INPP5D: variants seen among roughly 807,000 people sequenced by gnomAD.
INPP5D encodes phosphatidylinositol 3,4,5-trisphosphate 5-phosphatase 1.
A neutral mutation model predicts 122.9 loss-of-function variants in INPP5D; 33 were observed. The ratio of observed to expected loss-of-function variants is 0.27; its 90% CI spans 0.20 to 0.36. The LOEUF (loss-of-function observed/expected upper bound fraction) is 0.36. Ranked by LOEUF, INPP5D falls within the 10% of genes least tolerant of loss-of-function variation. The pLI, the probability that INPP5D is intolerant of heterozygous loss-of-function variation, is 1.00. For synonymous variants in INPP5D, 584 were observed against 576.2 expected (o/e 1.01, Z -0.19); for missense variants, 1,053 against 1,412.7 (o/e 0.75, Z 4.08).
chr2:233,068,739 A>G lies in INPP5D; in HGVS notation c.134+8127A>G, dbSNP rs548596862. ...ATGGGGGCAGAGGATTGCTTAGGAAACTTCCTGGAGGCCTCTGGGGGATGC... is the reference window on the plus strand; with the variant it reads ...ATGGGGGCAGAGGATTGCTTAGGAAGCTTCCTGGAGGCCTCTGGGGGATGC... On this transcript the variant is annotated intron_variant, in intron 1 of 26. Transcript: ENST00000445964. 2.0e-5 allele frequency among the ~76,000 whole-genome samples: 3 copies of G among 152,304 alleles called. No homozygotes were observed. The East Asian group carries it at 5.8e-4, about 29-fold the overall frequency.
chr2:233,167,434 CAG>C (rs1208337235), intron 13 of INPP5D, among the ~76,000 whole-genome samples: 1 of 152,088 alleles, frequency 6.6e-6, no homozygotes, highest in Non-Finnish European at 1.5e-5. Flanking sequence ...GATGAAGAAA[CAG>C]AGTCTATGGA....
intron 5 of INPP5D, among the ~76,000 whole-genome samples, chr2:233,134,987 A>G (rs56307293): frequency 0.47 from 71,658 of 151,842 alleles, 17,362 homozygotes; most frequent in African/African-American, 0.55. Flanking sequence ...AATGTGTGGT[A>G]AAAATGGACA....
intron 14 of INPP5D, chr2:233,169,773 T>C (rs547603310): frequency 4.8e-6 from 3 of 630,082 alleles, no homozygotes; most frequent in Non-Finnish European, 8.1e-6. Flanking sequence ...TCTGATTCTC[T>C]GCTGAGCAGA....
At chr2:233,133,422 C>G (rs745890962) in intron 5 of INPP5D, among the ~76,000 whole-genome samples, 1 of 152,028 alleles carries the variant, frequency 6.6e-6, no homozygotes, top group Non-Finnish European at 1.5e-5. Context: ...ATGAAGACAG[C>G]CTGCTCAAGG....
intron 2 of INPP5D, among the ~76,000 whole-genome samples, chr2:233,081,072 C>G (rs1465555731): frequency 6.6e-6 from 1 of 152,230 alleles, no homozygotes; most frequent in African/African-American, 2.4e-5. Context: ...TTCCACTGGC[C>G]TAGGGCGCCC....
Position 233,127,353 on chromosome 2 carries a change from C to G in INPP5D, c.524+1434C>G, listed in dbSNP as rs184611809. 1.1e-3 allele frequency among the ~76,000 whole-genome samples: 170 copies of G among 152,334 alleles called. 1 individual carries two copies. The highest frequency in any genetic ancestry group is 3.8e-3 in the African/African-American group (160 of 41,582). ...AAGGAAAGCGGCGACACAGAGCCGC[C>G]CTCCATTCTCAGGGTCAAGGAAAAC... On this transcript the variant is annotated intron_variant, in intron 4 of 26. Coordinates refer to ENST00000445964, the MANE Select transcript of INPP5D (RefSeq NM_001017915.3).
In INPP5D at chr2:233,078,916, T is replaced by C. The variant is rs989959201; in HGVS notation, c.135-419T>C. Among the ~76,000 whole-genome samples the C allele has an allele frequency of 1.3e-5, 2 of 152,024 alleles. No homozygotes were observed. Among genetic ancestry groups the C allele is most frequent in the African/African-American group, 4.8e-5 (2 of 41,404 alleles). ...CAGGATGGTCTCAATCTCTTGACCT[T>C]GTGATCCACCCATCTCAGCCTCCCA... On this transcript the variant is annotated intron_variant, in intron 1 of 26. Coordinates refer to ENST00000445964, the MANE Select transcript of INPP5D (RefSeq NM_001017915.3). This position sits in a 1 kb window ranked among gnomAD's most constrained non-coding sequence, Gnocchi z 4.6.
Position 233,129,758 on chromosome 2 carries a change from A to C in INPP5D, c.525-750A>C, listed in dbSNP as rs367633457. Reference sequence around the variant, plus strand: ...CTTTGGCCGTGAAATTGCAAAGTGCATGGGAGCTAAAGCCATTTGTTATCT... The same window carrying C: ...CTTTGGCCGTGAAATTGCAAAGTGCCTGGGAGCTAAAGCCATTTGTTATCT... On this transcript the variant is annotated intron_variant, in intron 4 of 26. Transcript: ENST00000445964. Among the ~76,000 whole-genome samples the C allele has an allele frequency of 5.9e-5, 9 of 152,350 alleles. No individual in the cohort carries two copies. In the East Asian group the frequency reaches 1.3e-3, roughly 23 times the overall value.
chr2:233,098,243 A>T (rs996842693), intron 2 of INPP5D, among the ~76,000 whole-genome samples: 49 of 152,176 alleles, frequency 3.2e-4, no homozygotes, highest in African/African-American at 1.1e-3. Context: ...CAGGAGGAGG[A>T]TGCAAGTCAA....
At chr2:233,107,182 G>A (rs558535459) in intron 2 of INPP5D, among the ~76,000 whole-genome samples, 28 of 152,182 alleles carry the variant, frequency 1.8e-4, no homozygotes, top group Non-Finnish European at 4.0e-4. Flanking sequence ...CAGAGGGTGC[G>A]GTAGGCAGGG....
chr2:233,089,683 A>G (rs990306434), intron 2 of INPP5D, among the ~76,000 whole-genome samples: 1 of 152,248 alleles, frequency 6.6e-6, no homozygotes, highest in Non-Finnish European at 1.5e-5. Flanking sequence ...CTTGAGGGTC[A>G]GAATGACAGC....
chr2:233,102,995 T>G (rs983982924), intron 2 of INPP5D, among the ~76,000 whole-genome samples: 19 of 152,236 alleles, frequency 1.2e-4, no homozygotes, highest in Non-Finnish European at 2.2e-4. Flanking sequence ...GGGTGTCTTT[T>G]TATTTGAATA....
intron 13 of INPP5D, among the ~76,000 whole-genome samples, chr2:233,165,525 C>A (rs1694309651): frequency 7.3e-6 from 1 of 136,266 alleles, no homozygotes; most frequent in Non-Finnish European, 1.6e-5. Flanking sequence ...TGTGTGTGTA[C>A]CACTCCATAT....
chr2:233,098,936 T>TTTTATTTCTTTATTTA (rs1692225445), intron 2 of INPP5D, among the ~76,000 whole-genome samples: 1 of 145,986 alleles, frequency 6.8e-6, no homozygotes, highest in Non-Finnish European at 1.5e-5. Context: ...GGAACTTTAT[T>TTTTATTTCTTTATTTA]TTTATTTATT....
chr2:233,161,155 G>A lies in INPP5D; in HGVS notation c.1138-569G>A, dbSNP rs1385876303. On this transcript the variant is annotated intron_variant, in intron 10 of 26. Coordinates refer to ENST00000445964, the MANE Select transcript of INPP5D (RefSeq NM_001017915.3). ...TACCCAGGCTGGAGTGCAATGATGCGATCCTGGCTCACTGCAACCTCCACC... is the reference window on the plus strand; with the variant it reads ...TACCCAGGCTGGAGTGCAATGATGCAATCCTGGCTCACTGCAACCTCCACC... 5.3e-5 allele frequency among the ~76,000 whole-genome samples: 8 copies of A among 151,502 alleles called. No individual in the cohort carries two copies. The East Asian group carries it at 1.2e-3, about 22-fold the overall frequency.
intron 1 of INPP5D, among the ~76,000 whole-genome samples, chr2:233,064,538 T>C (rs1305915037): frequency 6.6e-6 from 1 of 152,264 alleles, no homozygotes. Context: ...TTATATTGAC[T>C]CATTTGATGT....
At chr2:233,185,777 C>T in intron 20 of INPP5D, 66 bp from the exon 21 acceptor site, 1 of 1,469,020 alleles carries the variant, frequency 6.8e-7, no homozygotes, top group Non-Finnish European at 9.1e-7. Context: ...GGGGTGACCC[C>T]AGGGAGTCTT....
intron 9 of INPP5D, among the ~76,000 whole-genome samples, chr2:233,156,506 G>A (rs1352358630): frequency 6.6e-6 from 1 of 152,074 alleles, no homozygotes; most frequent in Non-Finnish European, 1.5e-5. Flanking sequence ...TGTTGCCCAG[G>A]CTGGTCTCAA....
At chr2:233,191,897 G>A (rs903339737) in intron 22 of INPP5D, among the ~76,000 whole-genome samples, 1 of 152,226 alleles carries the variant, frequency 6.6e-6, no homozygotes, top group Admixed American at 6.5e-5. Context: ...AAAGCCCCAC[G>A]CATAGTCTCC....
Sources: gnomAD v4.1 joint callset for allele counts (sites outside exome capture counted in the v4.1 genomes callset) on GRCh38, gnomAD v4.1.1 for gene constraint, Gnocchi (gnomAD v3.1) non-coding constraint, MANE v1.5 for transcripts, NCBI Gene and HGNC (gene_info 2026-07-23, HGNC 2026-07-21) for gene names.